The following APAF1 variants were observed in gnomAD, a reference collection of about 807,000 sequenced individuals.
APAF1 encodes apoptotic protease-activating factor 1.
In APAF1, 91 loss-of-function variants were observed where a neutral mutation model predicts 152.4. The ratio of observed to expected loss-of-function variants is 0.60; its 90% confidence interval spans 0.50 to 0.71. The LOEUF (loss-of-function observed/expected upper bound fraction) is 0.71. Among genes scored for constraint, APAF1 ranks in the 30% least tolerant of loss-of-function variants. The pLI is 0.00. For missense variants in APAF1, 1,283 were observed against 1,472.0 expected, an observed-to-expected ratio of 0.87 and a Z score of 2.10; for synonymous variants, 484 against 494.1, an observed-to-expected ratio of 0.98 and a Z score of 0.27.
chr12:98,646,915 G>C (rs376489741), intron 1 of APAF1, among the ~76,000 whole-genome samples: 1 of 152,146 alleles, frequency 6.6e-6, no homozygotes. Context: ...TGGGAAATGT[G>C]TTTAGCAAGG....
intron 11 of APAF1, 32 bp downstream of exon 11, chr12:98,671,118 A>G: frequency 7.6e-7 from 1 of 1,311,666 alleles, no homozygotes; most frequent in Non-Finnish European, 1.1e-6. Context: ...ATTAGTGCTA[A>G]AAAGGAATCT....
intron 10 of APAF1, among the ~76,000 whole-genome samples, chr12:98,669,774 G>A (rs1207990274): frequency 6.6e-6 from 1 of 152,098 alleles, no homozygotes; most frequent in Non-Finnish European, 1.5e-5. Flanking sequence ...TTGCCAGACT[G>A]CTCTCCAGAA....
intron 12 of APAF1, among the ~76,000 whole-genome samples, chr12:98,674,639 T>C (rs546579266): frequency 6.6e-6 from 1 of 152,332 alleles, no homozygotes; most frequent in Admixed American, 6.5e-5. Flanking sequence ...TAAAATAACA[T>C]ACCCTGGCTC....
chr12:98,671,172 G>A (rs921313295), intron 11 of APAF1, 86 bp downstream of exon 11: 9 of 892,820 alleles, frequency 1.0e-5, no homozygotes, highest in Non-Finnish European at 1.6e-5. Flanking sequence ...ATGGGAATGA[G>A]CAGAATAGAA....
chr12:98,725,294 G>A, intron 24 of APAF1, 121 bp from the exon 25 acceptor site: 2 of 1,294,088 alleles, frequency 1.5e-6, no homozygotes, highest in East Asian at 4.8e-5. Flanking sequence ...TCTCATGACA[G>A]TTTATGAATT....
chr12:98,651,990 T>A (rs956520338), intron 4 of APAF1, among the ~76,000 whole-genome samples: 7 of 152,114 alleles, frequency 4.6e-5, no homozygotes, highest in African/African-American at 1.7e-4. Flanking sequence ...AATTTTTGTA[T>A]TTTTTGTAGA....
chr12:98,675,042 T>C (rs2097685037), intron 12 of APAF1, among the ~76,000 whole-genome samples: 1 of 152,200 alleles, frequency 6.6e-6, no homozygotes, highest in African/African-American at 2.4e-5. Context: ...TTTCTCCCAT[T>C]GCATCAACTG....
At chr12:98,719,364 T>TGC (rs1238594725) in intron 22 of APAF1, among the ~76,000 whole-genome samples, 124 of 152,222 alleles carry the variant, frequency 8.1e-4, no homozygotes, top group Non-Finnish European at 1.4e-3. Context: ...TTTCTTTTCT[T>TGC]TTTTTTGAGA....
rs1363451406 is a variant in APAF1, at chr12:98,667,656, C to T, written c.1494+12C>T. On this transcript the variant is annotated intron_variant, in intron 10 of 26. Coordinates refer to ENST00000551964, the MANE Select transcript of APAF1 (RefSeq NM_181861.2). Reference sequence around the variant, plus strand: ...CCAAGATGCACAAGGTAAGATGACCCATTTAAAAATTCTTTTATCTGACTT... The same window carrying T: ...CCAAGATGCACAAGGTAAGATGACCTATTTAAAAATTCTTTTATCTGACTT... The T allele has an allele frequency of 6.2e-7, 1 of 1,611,292 alleles. No individual in the cohort carries two copies. The highest frequency in any genetic ancestry group is 1.7e-5 in the Admixed American group (1 of 59,960).
chr12:98,717,331 T>TATAGA (rs2097735958), intron 22 of APAF1, among the ~76,000 whole-genome samples: 1 of 151,292 alleles, frequency 6.6e-6, no homozygotes, highest in Admixed American at 6.6e-5. Context: ...TAAATATATA[T>TATAGA]AATATATATA....
chr12:98,668,869 T>TG (rs1285349587), intron 10 of APAF1, among the ~76,000 whole-genome samples: 2 of 152,196 alleles, frequency 1.3e-5, no homozygotes, highest in Admixed American at 6.5e-5. Flanking sequence ...TCTAGAATTC[T>TG]GGGGAGAATT....
At chr12:98,723,524 C>T (rs1593115417) in intron 23 of APAF1, 115 bp from the exon 24 acceptor site, 1 of 1,079,656 alleles carries the variant, frequency 9.3e-7, no homozygotes, top group South Asian at 1.4e-5. Context: ...GGGGTCAGAA[C>T]AGCCAGTGTA....
intron 19 of APAF1, among the ~76,000 whole-genome samples, chr12:98,706,820 T>C (rs924049029): frequency 2.0e-5 from 3 of 152,248 alleles, no homozygotes; most frequent in Admixed American, 1.3e-4. Context: ...GGCCAAGTGC[T>C]GTGGGAACTT....
intron 16 of APAF1, among the ~76,000 whole-genome samples, chr12:98,688,807 C>A (rs1459662688): frequency 6.6e-6 from 1 of 151,168 alleles, no homozygotes; most frequent in Non-Finnish European, 1.5e-5. Context: ...TTACTCTTCT[C>A]TTTTCTTTCT....
chr12:98,675,193 G>T (rs1457425258), intron 12 of APAF1, among the ~76,000 whole-genome samples: 1 of 152,166 alleles, frequency 6.6e-6, no homozygotes, highest in Non-Finnish European at 1.5e-5. Flanking sequence ...GAAAGGTTTA[G>T]GTTGGTATAA....
At position 98,666,179 on chromosome 12, in the gene APAF1, A is replaced by G. The variant is rs1302117705; in HGVS notation, c.1195-11A>G. The G allele has an allele frequency of 1.2e-6, 2 of 1,613,072 alleles. No homozygotes were observed. Among genetic ancestry groups the G allele is most frequent in the Non-Finnish European group, 8.5e-7 (1 of 1,179,266 alleles). On this transcript the variant is annotated splice_polypyrimidine_tract_variant and intron_variant, in intron 8 of 26. Coordinates refer to ENST00000551964, the MANE Select transcript of APAF1 (RefSeq NM_181861.2). ...TTTTGTGGCATATTAAATACTTACA[A>G]CAATTCCTAGGTGTTATGTATTCTC...
At chr12:98,648,004 A>G (rs953344346) in intron 1 of APAF1, among the ~76,000 whole-genome samples, 3 of 152,024 alleles carry the variant, frequency 2.0e-5, no homozygotes, top group African/African-American at 4.8e-5. Flanking sequence ...ATATTTTTAC[A>G]TATGTATTTG....
chr12:98,729,349 GT>G (rs1270120149), intron 26 of APAF1, among the ~76,000 whole-genome samples: 2 of 152,212 alleles, frequency 1.3e-5, no homozygotes, highest in Non-Finnish European at 2.9e-5. Context: ...GGATTAAACT[GT>G]TCCACCTCAG....
intron 17 of APAF1, among the ~76,000 whole-genome samples, chr12:98,700,801 C>T (rs2097714577): frequency 6.6e-6 from 1 of 152,102 alleles, no homozygotes; most frequent in Non-Finnish European, 1.5e-5. Flanking sequence ...CCTTTGTAAT[C>T]TCTAATGTAA....
Sources: gnomAD v4.1 joint callset for allele counts (sites outside exome capture counted in the v4.1 genomes callset) on GRCh38, gnomAD v4.1.1 for gene constraint, MANE v1.5 for transcripts, NCBI Gene and HGNC (gene_info 2026-07-23, HGNC 2026-07-21) for gene names.